FANCD2: variants seen among roughly 807,000 people sequenced by gnomAD.
FANCD2 encodes Fanconi anemia group D2 protein.
FANCD2 carries 131 observed loss-of-function variants against 192.3 expected under a neutral mutation model. The ratio of observed to expected loss-of-function variants is 0.68; its 90% CI spans 0.59 to 0.79. The LOEUF (loss-of-function observed/expected upper bound fraction) is 0.79. FANCD2 is among the 30% of genes least tolerant of loss of function. FANCD2 has a pLI of 0.00. For synonymous variants in FANCD2, 524 were observed against 612.5 expected (o/e 0.86, Z 2.13); for missense variants, 1,508 against 1,701.6 (o/e 0.89, Z 2.00).
intron 20 of FANCD2, 37 bp downstream of exon 20, chr3:10,062,248 T>C: frequency 2.2e-6 from 1 of 460,844 alleles, no homozygotes; most frequent in Non-Finnish European, 3.4e-6. Flanking sequence ...TTTTCCTGTC[T>C]TTTTTTTTTT....
intron 37 of FANCD2, 98 bp from the exon 38 acceptor site, chr3:10,092,083 G>T: frequency 1.1e-6 from 1 of 900,988 alleles, no homozygotes; most frequent in Admixed American, 1.7e-5. Flanking sequence ...TTAAATATCT[G>T]TATAGCTATG....
At chr3:10,026,841 C>G (rs1216485931) in intron 1 of FANCD2, among the ~76,000 whole-genome samples, 1 of 152,118 alleles carries the variant, frequency 6.6e-6, no homozygotes, top group Non-Finnish European at 1.5e-5. Context: ...TAATGGTTAT[C>G]CGTATTAACC....
Position 10,046,135 on chromosome 3 carries a change from G to C in FANCD2, c.1135-445G>C, listed in dbSNP as rs184661203. 2.5e-4 allele frequency among the ~76,000 whole-genome samples: 38 copies of C among 149,154 alleles called. No individual in the cohort carries two copies. In the East Asian group the frequency reaches 6.1e-3, roughly 24 times the overall value. Reference sequence around the variant, plus strand: ...GTGGCGCGATCTCGGCTCACTGTAAGCTCTGCCTCCCGGGTTCACGCCATT... The same window carrying C: ...GTGGCGCGATCTCGGCTCACTGTAACCTCTGCCTCCCGGGTTCACGCCATT... On this transcript the variant is annotated intron_variant, in intron 14 of 43. Coordinates refer to ENST00000675286, the MANE Select transcript of FANCD2 (RefSeq NM_001018115.3).
Position 10,073,322 on chromosome 3 carries a change from A to G in FANCD2, c.2675A>G (p.Glu892Gly). Residue 892 changes from glutamate to glycine, a missense_variant, in exon 28 of 44, where the codon GAA becomes GGA. By Grantham distance (98) the Glu-to-Gly change is moderately conservative. Around this residue, in one of 5 missense-constraint regions of FANCD2, gnomAD observed 796 missense variants for 879.4 expected, o/e 0.91. Transcript: ENST00000675286. ...SDTLSEEKNS[E>G]CDPTPSHRGQ... Reference sequence around the variant, plus strand: ...ACACTTTCAGAAGAGAAAAATTCAGAATGTGACCCTACGCCATCTCATAGA... The same window carrying G: ...ACACTTTCAGAAGAGAAAAATTCAGGATGTGACCCTACGCCATCTCATAGA... 1.9e-6 allele frequency: 3 copies of G among 1,613,978 alleles called. No homozygotes were observed. Among genetic ancestry groups the G allele is most frequent in the Non-Finnish European group, 2.5e-6 (3 of 1,179,856 alleles).
intron 18 of FANCD2, among the ~76,000 whole-genome samples, chr3:10,056,189 G>T (rs1171593713): frequency 6.6e-6 from 1 of 152,092 alleles, no homozygotes; most frequent in African/African-American, 2.4e-5. Flanking sequence ...CCCATTCTTT[G>T]TTTATACCAC....
chr3:10,099,085 A>G lies in FANCD2; in HGVS notation c.4281+270A>G, dbSNP rs17032386. ...TCTGCATTATAGCCTCTCATTTTCC[A>G]TGAATTCATATCTGAAACCATTTTA... On this transcript the variant is annotated intron_variant, in intron 43 of 43. Transcript: ENST00000675286. 5.7e-3 allele frequency: 8,797 copies of G among 1,538,866 alleles called. 436 individuals carry two copies. The African/African-American group carries it at 0.11, about 19-fold the overall frequency.
At chr3:10,089,952 C>T (rs1288286059) in intron 36 of FANCD2, among the ~76,000 whole-genome samples, 2 of 152,136 alleles carry the variant, frequency 1.3e-5, no homozygotes, top group Non-Finnish European at 2.9e-5. Flanking sequence ...CCCTATTTTA[C>T]TGCTGAGGAA....
chr3:10,096,505 T>C lies in FANCD2; in HGVS notation c.4185+33T>C, dbSNP rs2272124. On this transcript the variant is annotated intron_variant, in intron 42 of 43. Coordinates refer to ENST00000675286, the MANE Select transcript of FANCD2 (RefSeq NM_001018115.3). ...TTGGATCCTGCTAGTGATAATCCCC[T>C]ACTCTTATTCTTTGTGACAGCATCA... is the stretch of plus-strand genomic sequence containing the variant. 287,053 of 1,605,722 alleles carry C rather than the reference T, an allele frequency of 0.18. 29,771 individuals carry two copies. Among genetic ancestry groups the C allele is most frequent in the African/African-American group, 0.47 (34,924 of 74,662 alleles).
chr3:10,046,566 T>C lies in FANCD2; in HGVS notation c.1135-14T>C, dbSNP rs752126828. The C allele has an allele frequency of 8.1e-6, 13 of 1,614,050 alleles. No homozygotes were observed. The South Asian group carries it at 1.2e-4, about 15-fold the overall frequency. ...TTAACTGTTTTTCTGTTGTTGCATA[T>C]TTATTGACAATAGGTGTTTGACCTG... On this transcript the variant is annotated splice_polypyrimidine_tract_variant and intron_variant, in intron 14 of 43. Coordinates refer to ENST00000675286, the MANE Select transcript of FANCD2 (RefSeq NM_001018115.3).
intron 10 of FANCD2, among the ~76,000 whole-genome samples, chr3:10,042,094 C>T (rs1334589103): frequency 6.6e-6 from 1 of 152,106 alleles, no homozygotes; most frequent in Non-Finnish European, 1.5e-5. Flanking sequence ...GACGGGGTTT[C>T]ACCATATTGT....
At chr3:10,040,865 A>G (rs182067891) in intron 9 of FANCD2, 1 of 217,766 alleles carries the variant, frequency 4.6e-6, no homozygotes, top group East Asian at 1.5e-4. Flanking sequence ...ATGCCAGCTC[A>G]TCTCCTTTTG....
chr3:10,082,385 T>C (rs1259532275), intron 32 of FANCD2, among the ~76,000 whole-genome samples: 1 of 152,186 alleles, frequency 6.6e-6, no homozygotes, highest in African/African-American at 2.4e-5. Context: ...TTGGCCTCTC[T>C]CAGTCCATTC....
rs188375397 is a variant in FANCD2, at chr3:10,074,537, C to T, written c.2723C>T (p.Thr908Ile). ...SHRGQLNKEF[T>I]GKEEKTSLLL... Reference sequence around the variant, plus strand: ...GCTGTGACTTCCCCATAGGAGTTCACAGGGAAGGAAGAAAAGACATCATTG... The same window carrying T: ...GCTGTGACTTCCCCATAGGAGTTCATAGGGAAGGAAGAAAAGACATCATTG... The change falls in exon 29 of 44, where the codon ACA becomes ATA. Residue 908 changes from threonine (T) to isoleucine (I), a missense_variant. Thr to Ile is a moderately conservative substitution (Grantham distance 89). Transcript: ENST00000675286. The T allele has an allele frequency of 2.5e-4, 406 of 1,613,264 alleles. 4 individuals carry two copies. The East Asian group carries it at 7.1e-3, about 28-fold the overall frequency.
At chr3:10,053,631 AAAAC>A (rs2087287284) in intron 18 of FANCD2, among the ~76,000 whole-genome samples, 1 of 152,016 alleles carries the variant, frequency 6.6e-6, no homozygotes, top group South Asian at 2.1e-4. Flanking sequence ...TAGAAAAAAA[AAAAC>A]AAGCAAATGA....
At chr3:10,056,809 A>G (rs1174384894) in intron 18 of FANCD2, among the ~76,000 whole-genome samples, 2 of 152,056 alleles carry the variant, frequency 1.3e-5, no homozygotes, top group African/African-American at 4.8e-5. Context: ...CTTCTTGGCC[A>G]TTTCTATATT....
At chr3:10,093,232 A>C in intron 38 of FANCD2, 53 bp from the exon 39 acceptor site, 1 of 1,406,644 alleles carries the variant, frequency 7.1e-7, no homozygotes, top group South Asian at 1.2e-5. Context: ...AAGAGGCTGG[A>C]GTGCTCAAAG....
At chr3:10,034,576 T>G in intron 4 of FANCD2, 40 bp downstream of exon 4, 2 of 1,560,878 alleles carry the variant, frequency 1.3e-6, no homozygotes, top group Non-Finnish European at 1.8e-6. Context: ...TGTGCCAGCA[T>G]AACTCTAGAA....
At chr3:10,088,246 T>G (rs1449919500) in intron 34 of FANCD2, among the ~76,000 whole-genome samples, 2 of 152,170 alleles carry the variant, frequency 1.3e-5, no homozygotes, top group Non-Finnish European at 2.9e-5. Context: ...GTGTTGAGCC[T>G]TAGGCAAATG....
chr3:10,078,386 G>C (rs939138267), intron 30 of FANCD2, among the ~76,000 whole-genome samples, 189 bp downstream of exon 30: 1 of 151,932 alleles, frequency 6.6e-6, no homozygotes, highest in African/African-American at 2.4e-5. Context: ...ATGGAGTCTC[G>C]CTCTGTCGCC....
Sources: allele counts gnomAD v4.1 joint callset (sites outside exome capture counted in the v4.1 genomes callset), GRCh38; gene constraint gnomAD v4.1.1; regional missense constraint gnomAD v4.1.1; transcripts MANE v1.5; gene names NCBI Gene and HGNC (gene_info 2026-07-23, HGNC 2026-07-21).